The following NUP93 variants were observed in gnomAD, a reference collection of about 807,000 sequenced individuals.
NUP93 encodes the protein nuclear pore complex protein Nup93.
A neutral mutation model predicts 107.8 loss-of-function variants in NUP93; 55 were observed. The ratio of observed to expected loss-of-function variants is 0.51; its 90% CI spans 0.41 to 0.64. NUP93 has a LOEUF of 0.64. Among genes scored for constraint, NUP93 ranks in the 30% least tolerant of loss-of-function variants. The pLI is 0.00. For synonymous variants in NUP93, 390 were observed against 397.5 expected, an observed-to-expected ratio of 0.98 and a Z score of 0.22; for missense variants, 937 against 1,044.7, an observed-to-expected ratio of 0.90 and a Z score of 1.42.
intron 3 of NUP93, among the ~76,000 whole-genome samples, chr16:56,764,782 A>G (rs1962188930): frequency 6.6e-6 from 1 of 152,228 alleles, no homozygotes; most frequent in South Asian, 2.1e-4. Flanking sequence ...AAATATTAAT[A>G]TTGAAGGAAA....
intron 21 of NUP93, among the ~76,000 whole-genome samples, chr16:56,843,218 A>G (rs578005872): frequency 2.0e-5 from 3 of 152,336 alleles, no homozygotes; most frequent in Admixed American, 1.3e-4. Flanking sequence ...CGGTGGGTTC[A>G]TGGTGCCCAC....
intron 1 of NUP93, among the ~76,000 whole-genome samples, chr16:56,747,350 GAGTT>G (rs1567374450): frequency 6.6e-6 from 1 of 152,174 alleles, no homozygotes; most frequent in Non-Finnish European, 1.5e-5. Flanking sequence ...TTAGTGGTAG[GAGTT>G]AAAAACATTC....
intron 2 of NUP93, among the ~76,000 whole-genome samples, chr16:56,757,112 G>C (rs183023124): frequency 4.6e-5 from 7 of 152,178 alleles, no homozygotes; most frequent in Admixed American, 2.6e-4. Flanking sequence ...ATCTGTTGCT[G>C]TAGTATTTAT....
intron 3 of NUP93, among the ~76,000 whole-genome samples, chr16:56,773,156 T>C (rs954228839): frequency 2.6e-5 from 4 of 152,340 alleles, no homozygotes; most frequent in Admixed American, 2.6e-4. Flanking sequence ...TATTATTAGA[T>C]GATTGATTAT....
intron 1 of NUP93, chr16:56,748,012 C>G (rs1235999301): frequency 2.8e-6 from 1 of 352,336 alleles, no homozygotes; most frequent in Non-Finnish European, 5.2e-6. Context: ...TTGGGGCTGT[C>G]AATATGCACA....
chr16:56,837,830 A>G, intron 18 of NUP93, 104 bp downstream of exon 18: 1 of 784,572 alleles, frequency 1.3e-6, no homozygotes, highest in East Asian at 2.7e-5. Flanking sequence ...GTAACAGCAG[A>G]CAGCTTTCCA....
chr16:56,841,018 C>T (rs59161169), intron 20 of NUP93, among the ~76,000 whole-genome samples: 6,314 of 150,642 alleles, frequency 0.042, 208 homozygotes, highest in African/African-American at 0.082. Flanking sequence ...AAAAAAGTTT[C>T]TATTTTAGAG....
chr16:56,845,061 T>C lies in NUP93; in HGVS notation c.*452T>C. ...GAAAGTCAACCTCAGCCTTAGAAGA[T>C]GTAAGATTTGTGTGTGAAATATCAA... On this transcript the variant is annotated 3_prime_UTR_variant, in exon 22 of 22. Coordinates refer to ENST00000308159, the MANE Select transcript of NUP93 (RefSeq NM_014669.5). 4.4e-6 allele frequency: 1 copy of C among 225,832 alleles called. No homozygotes were observed. The highest frequency in any genetic ancestry group is 8.7e-6 in the Non-Finnish European group (1 of 114,420). 14.0% of individuals were successfully genotyped at this position (225,832 alleles called of 1,614,324 possible). A position where few individuals can be genotyped will look rare whatever the true frequency, so the allele number is the denominator to read the frequency against.
At chr16:56,823,061 T>C (rs1445100765) in intron 7 of NUP93, among the ~76,000 whole-genome samples, 1 of 152,122 alleles carries the variant, frequency 6.6e-6, no homozygotes, top group African/African-American at 2.4e-5. Context: ...TAAGGAGCCA[T>C]TTACAGGCAG....
intron 5 of NUP93, among the ~76,000 whole-genome samples, chr16:56,810,692 C>G (rs1699313178): frequency 6.6e-6 from 1 of 152,092 alleles, no homozygotes; most frequent in South Asian, 2.1e-4. Context: ...TGAATCATCA[C>G]AAATAGAACA....
chr16:56,811,793 C>A (rs1249876210), intron 5 of NUP93, among the ~76,000 whole-genome samples: 1 of 152,160 alleles, frequency 6.6e-6, no homozygotes, highest in African/African-American at 2.4e-5. Context: ...CCTTAAAAAA[C>A]TGTTGTTACG....
At chr16:56,761,856 G>T (rs1181819444) in intron 3 of NUP93, among the ~76,000 whole-genome samples, 1 of 152,030 alleles carries the variant, frequency 6.6e-6, no homozygotes, top group African/African-American at 2.4e-5. Flanking sequence ...CCATTTTGTT[G>T]TTTGTCATAA....
intron 3 of NUP93, among the ~76,000 whole-genome samples, chr16:56,772,720 T>C (rs1212574624): frequency 1.3e-5 from 2 of 152,266 alleles, no homozygotes; most frequent in Non-Finnish European, 2.9e-5. Context: ...TTTATTTGTC[T>C]AGCCAGTTTG....
At chr16:56,817,344 CTCTCCCCCTCTCCTGG>C (rs1442450274) in intron 5 of NUP93, among the ~76,000 whole-genome samples, 1 of 152,126 alleles carries the variant, frequency 6.6e-6, no homozygotes, top group African/African-American at 2.4e-5. Context: ...TCTCTCCCCT[CTCTCCCCCTCTCCTGG>C]TGCATGCCCA....
At position 56,834,118 on chromosome 16, in the gene NUP93, C is replaced by G. The variant is rs767339537; in HGVS notation, c.1538-10C>G. 1 of 1,614,086 alleles carries G rather than the reference C, an allele frequency of 6.2e-7. No homozygotes were observed. Among genetic ancestry groups the G allele is most frequent in the Non-Finnish European group, 8.5e-7 (1 of 1,180,012 alleles). ...TGTGGTTGTGACCCATTCTGACCCC[C>G]ACAATGCAGTCAGCCACGAGCCTGG... On this transcript the variant is annotated splice_polypyrimidine_tract_variant and intron_variant, in intron 13 of 21. Coordinates refer to ENST00000308159, the MANE Select transcript of NUP93 (RefSeq NM_014669.5).
chr16:56,781,727 A>AT, intron 3 of NUP93: 1 of 638,372 alleles, frequency 1.6e-6, no homozygotes, highest in Non-Finnish European at 1.9e-6. Context: ...GGGGAAAAAA[A>AT]GTATCATAGC....
At position 56,746,620 on chromosome 16, in the gene NUP93, T is replaced by C. The variant is rs148464631; in HGVS notation, c.-14-1614T>C. On this transcript the variant is annotated intron_variant, in intron 1 of 21. Coordinates refer to ENST00000308159, the MANE Select transcript of NUP93 (RefSeq NM_014669.5). ...AAAGTTAATGTCCTTTAATGCTCATTTTTAAAAGTTCTTAATGGATTTATG... is the reference window on the plus strand; with the variant it reads ...AAAGTTAATGTCCTTTAATGCTCATCTTTAAAAGTTCTTAATGGATTTATG... Among the ~76,000 whole-genome samples, 591 of 152,374 alleles carry C rather than the reference T, an allele frequency of 3.9e-3. 2 individuals carry two copies. Among genetic ancestry groups the C allele is most frequent in the Non-Finnish European group, 6.3e-3 (428 of 68,034 alleles).
chr16:56,781,995 G>C (rs1962524382), intron 3 of NUP93: 1 of 985,312 alleles, frequency 1.0e-6, no homozygotes, highest in African/African-American at 1.7e-5. Context: ...AGTCACATCA[G>C]CACTTGCAGA....
intron 1 of NUP93, among the ~76,000 whole-genome samples, chr16:56,736,275 G>C (rs914595516): frequency 6.6e-6 from 1 of 152,246 alleles, no homozygotes; most frequent in Admixed American, 6.5e-5. Context: ...GGAGGTTGCA[G>C]TGAGCTGAGA....
Sources: gnomAD v4.1 joint callset for allele counts (sites outside exome capture counted in the v4.1 genomes callset) on GRCh38, gnomAD v4.1.1 for gene constraint, MANE v1.5 for transcripts, NCBI Gene and HGNC (gene_info 2026-07-23, HGNC 2026-07-21) for gene names.